The following EPHA7 variants were observed in gnomAD, a reference collection of about 807,000 sequenced individuals.
EPHA7 encodes ephrin type-A receptor 7.
Under a neutral mutation model 112.6 loss-of-function variants are expected in EPHA7, and 25 were observed. That is an observed-to-expected ratio of 0.22 (90% CI 0.16 to 0.31). The LOEUF is 0.31. Ranked by LOEUF, EPHA7 falls within the 10% of genes least tolerant of loss-of-function variation. The probability of loss-of-function intolerance (pLI) is 1.00; values close to 1 mark genes in which losing one functional copy is unlikely to be tolerated. For missense variants in EPHA7, 962 were observed against 1,212.6 expected, an observed-to-expected ratio of 0.79 and a Z score of 3.07; for synonymous variants, 437 against 406.5, an observed-to-expected ratio of 1.07 and a Z score of -0.90.
intron 3 of EPHA7, among the ~76,000 whole-genome samples, chr6:93,385,186 T>A (rs1365908460): frequency 6.6e-6 from 1 of 152,096 alleles, no homozygotes; most frequent in Non-Finnish European, 1.5e-5. Flanking sequence ...TGAAATTCAT[T>A]CCCACAAAAC....
chr6:93,344,443 A>T (rs930915106), intron 5 of EPHA7, among the ~76,000 whole-genome samples: 8 of 151,514 alleles, frequency 5.3e-5, no homozygotes, highest in Non-Finnish European at 1.0e-4. Context: ...AAAGGCAGTA[A>T]TTTTTTCCAA....
rs138680331 is a variant in EPHA7, at chr6:93,328,123, C to A, written c.1324+28594G>T. ...TGTTCTCTCTGTCCAGAACACTCTT[C>A]TTCCGTTTGGCTTTGCTTTCATATC... is the stretch of plus-strand genomic sequence containing the variant. On this transcript the variant is annotated intron_variant, in intron 5 of 16. Coordinates refer to ENST00000369303, the MANE Select transcript of EPHA7 (RefSeq NM_004440.4). Among the ~76,000 whole-genome samples the A allele has an allele frequency of 2.3e-3, 355 of 151,596 alleles. 3 individuals carry two copies. Among genetic ancestry groups the A allele is most frequent in the South Asian group, 0.017 (80 of 4,824 alleles).
At chr6:93,369,309 A>T (rs1210754684) in intron 3 of EPHA7, among the ~76,000 whole-genome samples, 1 of 152,004 alleles carries the variant, frequency 6.6e-6, no homozygotes, top group Admixed American at 6.6e-5. Flanking sequence ...AAAACCAGTT[A>T]ATTAATTGCT....
Position 93,410,543 on chromosome 6 carries a change from T to A in EPHA7, c.790A>T (p.Ile264Phe). ...TTTTGCTGGTAGCCTGCTTTGCAGA[T>A]ACATTTTCCAATGGGCACTAACCAT... is the stretch of plus-strand genomic sequence containing the variant. ...GEWLVPIGKC[I>F]CKAGYQQKGD... is the part of the protein sequence containing the mutation. Residue 264 changes from isoleucine to phenylalanine, a missense_variant, in exon 3 of 17, where the codon ATC becomes TTC. Ile to Phe is a conservative substitution (Grantham distance 21, BLOSUM62 0). Coordinates refer to ENST00000369303, the MANE Select transcript of EPHA7 (RefSeq NM_004440.4). This position sits in a 1 kb window ranked among gnomAD's most constrained non-coding sequence, Gnocchi z 4.0. 1 of 1,613,942 alleles carries A rather than the reference T, an allele frequency of 6.2e-7. No homozygotes were observed. The highest frequency in any genetic ancestry group is 8.5e-7 in the Non-Finnish European group (1 of 1,179,876).
At chr6:93,321,961 C>T (rs1331857899) in intron 5 of EPHA7, among the ~76,000 whole-genome samples, 1 of 151,752 alleles carries the variant, frequency 6.6e-6, no homozygotes, top group African/African-American at 2.4e-5. Flanking sequence ...ACTCTTTATA[C>T]ATTAATTTCT....
chr6:93,244,755 A>C (rs1157147013), intron 16 of EPHA7, among the ~76,000 whole-genome samples: 5 of 152,188 alleles, frequency 3.3e-5, no homozygotes, highest in Non-Finnish European at 4.4e-5. Flanking sequence ...GGTTAACTGA[A>C]TTAAGCTTCT....
chr6:93,297,803 G>T (rs1254030325), intron 5 of EPHA7, among the ~76,000 whole-genome samples: 3 of 152,122 alleles, frequency 2.0e-5, no homozygotes, highest in Admixed American at 1.3e-4. Flanking sequence ...TACTACAAAG[G>T]CTTGAGCTAA....
chr6:93,304,561 A>G (rs1246922459), intron 5 of EPHA7, among the ~76,000 whole-genome samples: 1 of 152,116 alleles, frequency 6.6e-6, no homozygotes, highest in African/African-American at 2.4e-5. Flanking sequence ...GGAGCATATA[A>G]TCAGGTTAGG....
At chr6:93,295,508 T>G (rs1772614629) in intron 5 of EPHA7, among the ~76,000 whole-genome samples, 1 of 151,414 alleles carries the variant, frequency 6.6e-6, no homozygotes, top group Non-Finnish European at 1.5e-5. Flanking sequence ...TTTCTTTATC[T>G]AATTATACTT....
chr6:93,259,606 G>A, intron 9 of EPHA7, 127 bp from the exon 10 acceptor site: 1 of 1,142,666 alleles, frequency 8.8e-7, no homozygotes, highest in Non-Finnish European at 1.3e-6. Context: ...CTGATTCACA[G>A]CAGTTTTAAC....
intron 9 of EPHA7, among the ~76,000 whole-genome samples, chr6:93,263,075 T>C (rs1239792241): frequency 6.6e-6 from 1 of 151,374 alleles, no homozygotes; most frequent in Non-Finnish European, 1.5e-5. Flanking sequence ...AAATTGGTTT[T>C]TAATATTCTT....
At chr6:93,257,172 A>T (rs1201655277) in intron 12 of EPHA7, among the ~76,000 whole-genome samples, 1 of 152,060 alleles carries the variant, frequency 6.6e-6, no homozygotes, top group Non-Finnish European at 1.5e-5. Flanking sequence ...ACAATTGTAT[A>T]TACTGTTTTA....
intron 3 of EPHA7, among the ~76,000 whole-genome samples, chr6:93,365,803 C>T (rs1286257047): frequency 6.6e-6 from 1 of 151,846 alleles, no homozygotes; most frequent in Non-Finnish European, 1.5e-5. Context: ...CTTAAGTGCT[C>T]GATGATAACA....
rs1425395565 is a variant in EPHA7 at position 93,393,803 on chromosome 6, C to G, written c.832+16698G>C. 4.0e-5 allele frequency among the ~76,000 whole-genome samples: 6 copies of G among 151,786 alleles called. No homozygotes were observed. In the East Asian group the frequency reaches 1.2e-3, roughly 29 times the overall value. ...AACCAGTGATTCCATGAAGCCAAAT[C>G]CACTGCCTTTTAGCCAAATCATATT... On this transcript the variant is annotated intron_variant, in intron 3 of 16. Coordinates refer to ENST00000369303, the MANE Select transcript of EPHA7 (RefSeq NM_004440.4).
In EPHA7 at chr6:93,288,161, A is replaced by C. The variant is rs188962165; in HGVS notation, c.1325-15739T>G. ...CACAGCAATATTATTCATATAGCCCAAAAGTGGAAACAACATAAAGGTTCA... is the reference window on the plus strand; with the variant it reads ...CACAGCAATATTATTCATATAGCCCCAAAGTGGAAACAACATAAAGGTTCA... On this transcript the variant is annotated intron_variant, in intron 5 of 16. Transcript: ENST00000369303. Among the ~76,000 whole-genome samples the C allele has an allele frequency of 5.7e-3, 863 of 152,332 alleles. 9 individuals carry two copies. Among genetic ancestry groups the C allele is most frequent in the African/African-American group, 0.019 (792 of 41,582 alleles).
At chr6:93,370,301 T>A (rs980994490) in intron 3 of EPHA7, among the ~76,000 whole-genome samples, 3 of 152,150 alleles carry the variant, frequency 2.0e-5, no homozygotes, top group Admixed American at 1.3e-4. Flanking sequence ...TCTGGATTAT[T>A]TAAGAAACTA....
At chr6:93,417,648 C>T (rs543748997) in intron 1 of EPHA7, among the ~76,000 whole-genome samples, 2 of 152,304 alleles carry the variant, frequency 1.3e-5, no homozygotes, top group Non-Finnish European at 2.9e-5. Context: ...GCGGTGCAAA[C>T]TTTTCCTCTG....
At chr6:93,294,106 T>C (rs1194593735) in intron 5 of EPHA7, among the ~76,000 whole-genome samples, 1 of 152,146 alleles carries the variant, frequency 6.6e-6, no homozygotes, top group Non-Finnish European at 1.5e-5. Flanking sequence ...ACAGGTGCAA[T>C]GACAAAGCTG....
intron 3 of EPHA7, among the ~76,000 whole-genome samples, chr6:93,406,398 C>G (rs1430172891): frequency 6.6e-6 from 1 of 151,402 alleles, no homozygotes; most frequent in Non-Finnish European, 1.5e-5. Flanking sequence ...AACAATTATC[C>G]CAGGCATATC....
Sources: gnomAD v4.1 joint callset for allele counts (sites outside exome capture counted in the v4.1 genomes callset) on GRCh38, gnomAD v4.1.1 for gene constraint, Gnocchi (gnomAD v3.1) non-coding constraint, MANE v1.5 for transcripts, NCBI Gene and HGNC (gene_info 2026-07-23, HGNC 2026-07-21) for gene names.